The following PTP4A3 variants were observed in gnomAD, a reference collection of about 807,000 sequenced individuals.
PTP4A3 encodes the protein protein tyrosine phosphatase 4A3.
PTP4A3 carries 9 observed loss-of-function variants against 15.2 expected under a neutral mutation model. The ratio of observed to expected loss-of-function variants is 0.59; its 90% CI spans 0.36 to 1.03. PTP4A3 has a LOEUF of 1.03. Ranked by LOEUF, PTP4A3 falls within the 50% of genes least tolerant of loss-of-function variation. The pLI, the probability that PTP4A3 is intolerant of heterozygous loss-of-function variation, is 0.02. For synonymous variants in PTP4A3, 95 were observed against 102.0 expected (o/e 0.93, Z 0.41); for missense variants, 234 against 252.1 (o/e 0.93, Z 0.49).
intron 1 of PTP4A3, among the ~76,000 whole-genome samples, chr8:141,402,644 G>A (rs1832622232): frequency 6.6e-6 from 1 of 152,120 alleles, no homozygotes; most frequent in Non-Finnish European, 1.5e-5. Flanking sequence ...CACATGGGGA[G>A]GCTGAGGATT....
At chr8:141,394,638 A>G (rs981147314) in intron 1 of PTP4A3, among the ~76,000 whole-genome samples, 3 of 152,226 alleles carry the variant, frequency 2.0e-5, no homozygotes, top group Non-Finnish European at 4.4e-5. Flanking sequence ...GAGCAATGAC[A>G]GGTCTTCCTG....
chr8:141,419,571 GTTT>G (rs66940476), intron 1 of PTP4A3, among the ~76,000 whole-genome samples: 1 of 132,160 alleles, frequency 7.6e-6, no homozygotes, highest in Non-Finnish European at 1.6e-5. Context: ...CCCACCACCG[GTTT>G]TTTTTTTTTT....
chr8:141,400,603 G>A (rs1273539517), intron 1 of PTP4A3, among the ~76,000 whole-genome samples: 4 of 152,196 alleles, frequency 2.6e-5, no homozygotes, highest in Non-Finnish European at 4.4e-5. Flanking sequence ...GCCATGGACA[G>A]CCAGGATGTG....
rs949509610 is a variant in PTP4A3, at chr8:141,422,164, G to T, written c.-77G>T. The stretch of plus-strand genomic sequence containing the variant: ...CTCGTTCTCCTCATTTTTTGGGGGT[G>T]TGTGGGGACTTCTCAGGTCGTGTCC... On this transcript the variant is annotated 5_prime_UTR_variant, in exon 2 of 6. Coordinates refer to ENST00000521578, the MANE Select transcript of PTP4A3 (RefSeq NM_032611.3). The T allele has an allele frequency of 4.3e-6, 6 of 1,393,228 alleles. No homozygotes were observed. In the East Asian group the frequency reaches 1.4e-4, roughly 32 times the overall value. The allele number at this position is 1,393,228 out of a possible 1,614,324, so 86.3% of individuals were successfully genotyped here.
chr8:141,416,186 CT>C (rs1371834145), intron 1 of PTP4A3, among the ~76,000 whole-genome samples: 1 of 152,070 alleles, frequency 6.6e-6, no homozygotes, highest in East Asian at 1.9e-4. Flanking sequence ...AACTTTCACT[CT>C]GAGACCCCTT....
chr8:141,412,687 C>T (rs73370146), intron 1 of PTP4A3, among the ~76,000 whole-genome samples: 16,588 of 152,252 alleles, frequency 0.11, 3,057 homozygotes, highest in African/African-American at 0.38. Context: ...TTGAGCCCTC[C>T]CACAGCGAGC....
At chr8:141,395,167 G>A (rs944807989) in intron 1 of PTP4A3, among the ~76,000 whole-genome samples, 3 of 152,228 alleles carry the variant, frequency 2.0e-5, no homozygotes, top group African/African-American at 7.2e-5. Flanking sequence ...GGCACGAGCT[G>A]TGGGTTCCGA....
chr8:141,422,267 G>A lies in PTP4A3; in HGVS notation c.27G>A (p.Pro9=), dbSNP rs762472480. The part of the protein sequence containing the change: MARMNRPA[P]VEVSYKHMRF... ...TGGCTCGGATGAACCGCCCGGCCCC[G>A]GTGGAGGTGAGCTACAAACACATGC... The change falls in exon 2 of 6, where the codon CCG becomes CCA. Residue 9 remains proline, a synonymous_variant. Transcript: ENST00000521578. 13 of 1,612,950 alleles carry A rather than the reference G, an allele frequency of 8.1e-6. No individual in the cohort carries two copies. Among genetic ancestry groups the A allele is most frequent in the Middle Eastern group, 1.6e-4 (1 of 6,082 alleles).
intron 5 of PTP4A3, 61 bp downstream of exon 5, chr8:141,427,885 CACG>C (rs1833657732): frequency 6.9e-7 from 1 of 1,458,470 alleles, no homozygotes; most frequent in East Asian, 2.5e-5. Flanking sequence ...TCCGGCTGCC[CACG>C]AAGGGTGGCG....
Position 141,422,313 on chromosome 8 carries a change from C to T in PTP4A3, c.73C>T (p.Pro25Ser), listed in dbSNP as rs992702314. ...KHMRFLITHN[P>S]TNATLSTFIE... ...CATGCGCTTCCTCATCACCCACAAC[C>T]CCACCAACGCCACGCTCAGCACCTT... The change falls in exon 2 of 6, where the codon CCC (proline) becomes TCC (serine). Residue 25 changes from proline to serine, a missense_variant. By Grantham distance (74) the Pro-to-Ser change is moderately conservative (BLOSUM62 -1). Coordinates refer to ENST00000521578, the MANE Select transcript of PTP4A3 (RefSeq NM_032611.3). The T allele has an allele frequency of 3.1e-6, 5 of 1,613,492 alleles. No homozygotes were observed. The highest frequency in any genetic ancestry group is 4.2e-6 in the Non-Finnish European group (5 of 1,179,992).
chr8:141,393,199 G>A (rs1258655658), intron 1 of PTP4A3, among the ~76,000 whole-genome samples: 1 of 152,204 alleles, frequency 6.6e-6, no homozygotes, highest in South Asian at 2.1e-4. Flanking sequence ...CTCAGATGAG[G>A]AGACTGAGGC....
chr8:141,426,002 C>T (rs374789580), intron 3 of PTP4A3, among the ~76,000 whole-genome samples: 4 of 152,200 alleles, frequency 2.6e-5, no homozygotes, highest in African/African-American at 7.2e-5. Context: ...CCCCGCTTCT[C>T]GCACGGGGTG....
chr8:141,420,203 T>C (rs1256902879), intron 1 of PTP4A3, among the ~76,000 whole-genome samples: 2 of 152,136 alleles, frequency 1.3e-5, no homozygotes, highest in Non-Finnish European at 2.9e-5. Context: ...GTGCCTTTCC[T>C]TGGGTAGCAG....
intron 3 of PTP4A3, chr8:141,426,551 G>T: frequency 1.0e-6 from 1 of 985,444 alleles, no homozygotes. Flanking sequence ...TGCACCAGCC[G>T]ACCCAAAACC....
At chr8:141,427,849 G>A (rs1458943524) in intron 5 of PTP4A3, 25 bp downstream of exon 5, 2 of 1,542,962 alleles carry the variant, frequency 1.3e-6, no homozygotes, top group Admixed American at 4.0e-5. Context: ...TGGTGGGGTG[G>A]GCTGTGAGCG....
In PTP4A3 at chr8:141,422,195, C is replaced by A; in HGVS notation, c.-46C>A. 1.3e-6 allele frequency: 2 copies of A among 1,597,852 alleles called. No individual in the cohort carries two copies. The highest frequency in any genetic ancestry group is 1.3e-5 in the African/African-American group (1 of 74,738). ...GGACTTCTCAGGTCGTGTCCCCAGCCTTCTCTGCAGTCCCTTCTGCCCTGC... is the reference window on the plus strand; with the variant it reads ...GGACTTCTCAGGTCGTGTCCCCAGCATTCTCTGCAGTCCCTTCTGCCCTGC... On this transcript the variant is annotated 5_prime_UTR_variant, in exon 2 of 6. Transcript: ENST00000521578.
At chr8:141,418,525 T>G (rs1014472880) in intron 1 of PTP4A3, among the ~76,000 whole-genome samples, 4 of 152,150 alleles carry the variant, frequency 2.6e-5, no homozygotes, top group Non-Finnish European at 5.9e-5. Context: ...GGGACAAGGA[T>G]GGACTCTCCC....
At chr8:141,430,826 T>G (rs1259807052) in intron 5 of PTP4A3, 101 bp from the exon 6 acceptor site, 2 of 1,148,250 alleles carry the variant, frequency 1.7e-6, no homozygotes, top group Admixed American at 3.8e-5. Context: ...CTCAAGGCCT[T>G]ACTCCAGCCC....
chr8:141,398,716 G>A (rs1378288287), intron 1 of PTP4A3, among the ~76,000 whole-genome samples: 1 of 152,086 alleles, frequency 6.6e-6, no homozygotes, highest in African/African-American at 2.4e-5. Context: ...GTTCTCCCCA[G>A]TGTCCAGGCC....
Sources: gnomAD v4.1 joint callset for allele counts (sites outside exome capture counted in the v4.1 genomes callset) on GRCh38, gnomAD v4.1.1 for gene constraint, MANE v1.5 for transcripts, NCBI Gene and HGNC (gene_info 2026-07-23, HGNC 2026-07-21) for gene names.